Variants in EFCAB13 observed in about 807,000 individuals in gnomAD.
The protein encoded by EFCAB13 is EF-hand calcium binding domain 13.
In EFCAB13, 91 loss-of-function variants were observed where a neutral mutation model predicts 110.2. The observed-to-expected ratio is 0.83, with a 90% CI of 0.70 to 0.98. The LOEUF is 0.98. Ranked by LOEUF, EFCAB13 falls within the 50% of genes least tolerant of loss-of-function variation. The probability of loss-of-function intolerance (pLI) is 0.00; values close to 1 mark genes in which losing one functional copy is unlikely to be tolerated. For missense variants in EFCAB13, 968 were observed against 1,119.4 expected (o/e 0.86, Z 1.93); for synonymous variants, 323 against 369.9 (o/e 0.87, Z 1.45).
intron 21 of EFCAB13, among the ~76,000 whole-genome samples, chr17:47,410,248 GAGAGAGCA>G (rs1467253854): frequency 6.6e-6 from 1 of 152,184 alleles, no homozygotes; most frequent in African/African-American, 2.4e-5. Flanking sequence ...AAGAAAGTTT[GAGAGAGCA>G]AGAGAGCAAG....
In EFCAB13 at chr17:47,361,516, T is replaced by C. The variant is rs1467084803; in HGVS notation, c.800T>C (p.Ile267Thr). 5 of 1,560,194 alleles carry C rather than the reference T, an allele frequency of 3.2e-6. No individual in the cohort carries two copies. Among genetic ancestry groups the C allele is most frequent in the South Asian group, 1.1e-5 (1 of 89,856 alleles). ...ILEEVTKHTY[I>T]DSNHMVDIGD... ...GAAGAAGTGACAAAACATACCTATA[T>C]TGACAGTGAGTTATTTGCATTGAGA... is the stretch of plus-strand genomic sequence containing the variant. The change falls in exon 10 of 25, where the codon ATT (isoleucine) becomes ACT (threonine). Residue 267 changes from isoleucine (I) to threonine (T), a missense_variant. Coordinates refer to ENST00000331493, the MANE Select transcript of EFCAB13 (RefSeq NM_152347.5).
At chr17:47,408,421 C>T (rs1018850923) in intron 20 of EFCAB13, among the ~76,000 whole-genome samples, 1 of 152,020 alleles carries the variant, frequency 6.6e-6, no homozygotes, top group Non-Finnish European at 1.5e-5. Flanking sequence ...GAGGCCAAGG[C>T]GGGCAGATCA....
At chr17:47,351,304 T>TGTGTGTGTGTGTGTGTGC (rs1280645583) in intron 9 of EFCAB13, among the ~76,000 whole-genome samples, 4 of 122,980 alleles carry the variant, frequency 3.3e-5, no homozygotes, top group South Asian at 2.9e-4. Flanking sequence ...TGTGTGTGTG[T>TGTGTGTGTGTGTGTGTGC]GCGCGCGCGC....
At chr17:47,367,794 A>T (rs550374065) in intron 10 of EFCAB13, among the ~76,000 whole-genome samples, 44 of 152,254 alleles carry the variant, frequency 2.9e-4, no homozygotes, top group African/African-American at 1.1e-3. Context: ...GAAAAGGTGG[A>T]TGCGTGAATG....
In EFCAB13 at chr17:47,347,898, T is replaced by C. The variant is rs751236063; in HGVS notation, c.608T>C (p.Ile203Thr). The C allele has an allele frequency of 2.6e-6, 4 of 1,545,338 alleles. No homozygotes were observed. Among genetic ancestry groups the C allele is most frequent in the Non-Finnish European group, 3.5e-6 (4 of 1,135,488 alleles). Residue 203 changes from isoleucine to threonine, a missense_variant, in exon 9 of 25, where the codon ATT becomes ACT. Ile to Thr is a moderately conservative substitution (Grantham distance 89, BLOSUM62 -1). Transcript: ENST00000331493. Reference protein sequence around the residue: ...DLPVILCILRISISDLEMRQA... With the variant: ...DLPVILCILRTSISDLEMRQA... Reference sequence around the variant, plus strand: ...CCAGTGATCCTTTGCATCTTGAGAATTTCTATAAGTGATTTAGAAATGCGA... The same window carrying C: ...CCAGTGATCCTTTGCATCTTGAGAACTTCTATAAGTGATTTAGAAATGCGA...
intron 16 of EFCAB13, 109 bp downstream of exon 16, chr17:47,394,208 G>T (rs2065725340): frequency 4.9e-6 from 3 of 610,676 alleles, no homozygotes; most frequent in Non-Finnish European, 7.9e-6. Flanking sequence ...TATCCTGCAG[G>T]TCATCCGACA....
At chr17:47,361,325 C>G in intron 9 of EFCAB13, 53 bp from the exon 10 acceptor site, 1 of 1,582,786 alleles carries the variant, frequency 6.3e-7, no homozygotes. Flanking sequence ...AAATCAACTG[C>G]TTTTCCAAGA....
rs773979403 is a variant in EFCAB13, at chr17:47,377,764, A to G, written c.1373-2A>G. 33 of 1,565,792 alleles carry G rather than the reference A, an allele frequency of 2.1e-5. 1 individual carries two copies. The African/African-American group carries it at 2.5e-4, about 12-fold the overall frequency. On this transcript the variant is annotated splice_acceptor_variant, in intron 12 of 24. Transcript: ENST00000331493. LOFTEE classifies it high-confidence loss of function. ...ATAGTTCTCTACATTTTGTGTATTT[A>G]GAAAACTTCTGTGAAGCTATCAGTA...
At chr17:47,399,180 G>T (rs770263991) in intron 17 of EFCAB13, among the ~76,000 whole-genome samples, 2 of 152,144 alleles carry the variant, frequency 1.3e-5, no homozygotes, top group Non-Finnish European at 2.9e-5. Flanking sequence ...CTCCCTAAGT[G>T]CTGGGATTAC....
chr17:47,424,605 C>T (rs1336015463), intron 23 of EFCAB13, among the ~76,000 whole-genome samples: 1 of 152,040 alleles, frequency 6.6e-6, no homozygotes, highest in East Asian at 1.9e-4. Context: ...GAGGGCTTCT[C>T]ATTGGGAGAT....
intron 4 of EFCAB13, among the ~76,000 whole-genome samples, chr17:47,334,884 A>G (rs2065340157): frequency 6.6e-6 from 1 of 152,198 alleles, no homozygotes; most frequent in Non-Finnish European, 1.5e-5. Context: ...CACGGACTCC[A>G]CCCTAGGCAA....
rs375501418 is a variant in EFCAB13, at chr17:47,374,682, C to T, written c.1088C>T (p.Thr363Ile). 1.9e-5 allele frequency: 30 copies of T among 1,612,106 alleles called. No individual in the cohort carries two copies. In the African/African-American group the frequency reaches 2.9e-4, roughly 16 times the overall value. The change falls in exon 12 of 25, where the codon ACT (threonine) becomes ATT (isoleucine). Residue 363 changes from threonine to isoleucine, a missense_variant. Physicochemically the swap from Thr to Ile is moderately conservative, Grantham distance 89. Transcript: ENST00000331493. Reference protein sequence around the residue: ...DDLESKRPKNTWQIRKFLGGV... With the variant: ...DDLESKRPKNIWQIRKFLGGV... ...CTTGAATCTAAAAGACCAAAAAATA[C>T]TTGGCAAATAAGAAAATTTCTGGGT... is the stretch of plus-strand genomic sequence containing the variant.
At chr17:47,407,760 T>A (rs1239894124) in intron 20 of EFCAB13, among the ~76,000 whole-genome samples, 1 of 152,166 alleles carries the variant, frequency 6.6e-6, no homozygotes, top group Non-Finnish European at 1.5e-5. Context: ...TTTTTGTTTG[T>A]TTTTTGTTTT....
At chr17:47,402,581 A>G (rs1021682352) in intron 18 of EFCAB13, among the ~76,000 whole-genome samples, 12 of 152,214 alleles carry the variant, frequency 7.9e-5, no homozygotes, top group African/African-American at 2.9e-4. Flanking sequence ...GGAATAGACA[A>G]TTCTAGGTAA....
chr17:47,330,341 A>T (rs1202965159), intron 4 of EFCAB13, among the ~76,000 whole-genome samples: 1 of 151,982 alleles, frequency 6.6e-6, no homozygotes, highest in Non-Finnish European at 1.5e-5. Flanking sequence ...CTTCAGGGGT[A>T]CAAGTGGTTT....
chr17:47,349,582 C>A (rs2065436625), intron 9 of EFCAB13, among the ~76,000 whole-genome samples: 1 of 151,998 alleles, frequency 6.6e-6, no homozygotes, highest in African/African-American at 2.4e-5. Context: ...TAATAGTATT[C>A]TAATGTCATT....
intron 17 of EFCAB13, 129 bp downstream of exon 17, chr17:47,396,106 C>A: frequency 1.5e-6 from 1 of 646,170 alleles, no homozygotes; most frequent in Non-Finnish European, 2.4e-6. Flanking sequence ...CCAACATATG[C>A]ATTTAGGAAA....
chr17:47,384,783 T>A (rs956830115), intron 14 of EFCAB13, among the ~76,000 whole-genome samples: 1 of 151,710 alleles, frequency 6.6e-6, no homozygotes, highest in African/African-American at 2.4e-5. Flanking sequence ...TTTTTTTTTT[T>A]TTATTGAGAA....
chr17:47,330,018 T>C (rs558616890), intron 4 of EFCAB13: 1 of 152,324 alleles, frequency 6.6e-6, no homozygotes, highest in Non-Finnish European at 1.5e-5. Context: ...TGGTAATCTT[T>C]ATAAATTGTC....
Sources: gnomAD v4.1 joint callset for allele counts (sites outside exome capture counted in the v4.1 genomes callset) on GRCh38, gnomAD v4.1.1 for gene constraint, MANE v1.5 for transcripts, NCBI Gene and HGNC (gene_info 2026-07-23, HGNC 2026-07-21) for gene names.